The following BCKDHB variants were observed in gnomAD, a reference collection of about 807,000 sequenced individuals.
BCKDHB encodes 2-oxoisovalerate dehydrogenase subunit beta, mitochondrial.
BCKDHB carries 41 observed loss-of-function variants against 48.5 expected under a neutral mutation model. That is an observed-to-expected ratio of 0.85 (90% CI 0.66 to 1.10). BCKDHB has a LOEUF of 1.10. Among genes scored for constraint, BCKDHB ranks in the 50% least tolerant of loss-of-function variants. The pLI, the probability that BCKDHB is intolerant of heterozygous loss-of-function variation, is 0.00. For missense variants in BCKDHB, 496 were observed against 494.2 expected (o/e 1.00, Z -0.03); for synonymous variants, 201 against 174.8 (o/e 1.15, Z -1.18).
At chr6:80,340,466 G>A (rs762216532) in intron 9 of BCKDHB, among the ~76,000 whole-genome samples, 2 of 152,106 alleles carry the variant, frequency 1.3e-5, no homozygotes, top group African/African-American at 2.4e-5. Flanking sequence ...CAGCTCTGTG[G>A]GGAGAAAGAC....
At chr6:80,463,197 G>A in the BCKDHB span, 4 of 152,132 alleles carry the variant, frequency 2.6e-5, no homozygotes, top group African/African-American at 9.7e-5. Flanking sequence ...TAGACATTTT[G>A]TTTAATTCTT....
chr6:80,380,638 A>G, the BCKDHB span, among the ~76,000 whole-genome samples: 1 of 151,978 alleles, frequency 6.6e-6, no homozygotes, highest in Non-Finnish European at 1.5e-5. Context: ...TCAACAGAAT[A>G]ATCAGACAAC....
the BCKDHB span, among the ~76,000 whole-genome samples, chr6:80,454,878 T>C: frequency 6.6e-6 from 1 of 152,198 alleles, no homozygotes; most frequent in Non-Finnish European, 1.5e-5. Flanking sequence ...GACTCTCCAT[T>C]GTGGTTTGAA....
chr6:80,149,782 A>G (rs1388141697), intron 3 of BCKDHB, among the ~76,000 whole-genome samples: 1 of 143,840 alleles, frequency 7.0e-6, no homozygotes, highest in East Asian at 2.2e-4. Context: ...GAACAATGAG[A>G]ACACATGGAC....
At chr6:80,302,651 C>T (rs1767646239) in intron 9 of BCKDHB, among the ~76,000 whole-genome samples, 1 of 152,084 alleles carries the variant, frequency 6.6e-6, no homozygotes, top group Non-Finnish European at 1.5e-5. Context: ...CAGTGCAAAC[C>T]AAATGAGCTT....
At chr6:80,346,991 A>G (rs1234562778), downstream of BCKDHB, among the ~76,000 whole-genome samples, 1 of 144,736 alleles carries the variant, frequency 6.9e-6, no homozygotes, top group Non-Finnish European at 1.5e-5. Context: ...AAACACTGGA[A>G]AAAAGCAAAA....
chr6:80,394,851 G>A, the BCKDHB span, among the ~76,000 whole-genome samples: 1 of 152,142 alleles, frequency 6.6e-6, no homozygotes, highest in Non-Finnish European at 1.5e-5. Context: ...CCCAGTGGGA[G>A]GTAATTGAAT....
chr6:80,414,287 G>A, the BCKDHB span, among the ~76,000 whole-genome samples: 5 of 152,174 alleles, frequency 3.3e-5, no homozygotes, highest in African/African-American at 9.6e-5. Flanking sequence ...CTGTGCAGAA[G>A]CTCTTTAGTT....
the BCKDHB span, among the ~76,000 whole-genome samples, chr6:80,389,626 A>G: frequency 5.9e-5 from 9 of 152,346 alleles, no homozygotes; most frequent in African/African-American, 1.9e-4. Flanking sequence ...TTATGGCTAA[A>G]GAAGTGCAGC....
chr6:80,157,293 T>C (rs142578773), intron 3 of BCKDHB, among the ~76,000 whole-genome samples: 4 of 152,212 alleles, frequency 2.6e-5, no homozygotes, highest in African/African-American at 9.6e-5. Context: ...ATTCAAAATA[T>C]TGTTATCTGG....
the BCKDHB span, among the ~76,000 whole-genome samples, chr6:80,363,382 G>T: frequency 5.9e-5 from 9 of 152,024 alleles, no homozygotes; most frequent in Non-Finnish European, 8.8e-5. Context: ...TATGTTTTTG[G>T]TTACAAGAAA....
At chr6:80,229,785 G>T (rs549153805) in intron 8 of BCKDHB, among the ~76,000 whole-genome samples, 1 of 152,030 alleles carries the variant, frequency 6.6e-6, no homozygotes, top group African/African-American at 2.4e-5. Flanking sequence ...CATATTATTA[G>T]TAAGAAATAG....
intron 9 of BCKDHB, among the ~76,000 whole-genome samples, chr6:80,341,051 T>C: frequency 6.6e-6 from 1 of 152,224 alleles, no homozygotes. Context: ...ATACTTTTGT[T>C]GGTGAAGAGA....
chr6:80,319,889 T>C (rs1034817820), intron 9 of BCKDHB, among the ~76,000 whole-genome samples: 6 of 152,184 alleles, frequency 3.9e-5, no homozygotes, highest in African/African-American at 9.6e-5. Flanking sequence ...CTTTTAGGGA[T>C]TGGTTTGTCA....
chr6:80,215,861 C>T (rs1775148320), intron 8 of BCKDHB, among the ~76,000 whole-genome samples: 1 of 152,182 alleles, frequency 6.6e-6, no homozygotes, highest in South Asian at 2.1e-4. Flanking sequence ...CCTGCCTCAG[C>T]CTCCTGAGTA....
the BCKDHB span, among the ~76,000 whole-genome samples, chr6:80,368,334 G>T: frequency 6.6e-6 from 1 of 152,210 alleles, no homozygotes; most frequent in Non-Finnish European, 1.5e-5. Flanking sequence ...TCACATGGTA[G>T]TTGCTCAATA....
chr6:80,128,185 A>C (rs1562069576), intron 2 of BCKDHB, among the ~76,000 whole-genome samples: 2 of 151,972 alleles, frequency 1.3e-5, no homozygotes, highest in South Asian at 4.1e-4. Flanking sequence ...CTATATATAC[A>C]GTTTATATAT....
intron 3 of BCKDHB, among the ~76,000 whole-genome samples, chr6:80,154,462 C>G (rs368922803): frequency 6.1e-4 from 93 of 152,196 alleles, no homozygotes; most frequent in East Asian, 9.7e-4. Context: ...TTTGCTCCCC[C>G]TCCTAGGACA....
intron 9 of BCKDHB, among the ~76,000 whole-genome samples, chr6:80,276,916 A>T (rs774371145): frequency 6.6e-6 from 1 of 151,984 alleles, no homozygotes; most frequent in African/African-American, 2.4e-5. Context: ...TTATATTTCT[A>T]TTGGATTTAA....
Sources: gnomAD v4.1 joint callset for allele counts (sites outside exome capture counted in the v4.1 genomes callset) on GRCh38, gnomAD v4.1.1 for gene constraint, MANE v1.5 for transcripts, NCBI Gene and HGNC (gene_info 2026-07-23, HGNC 2026-07-21) for gene names.